Variants in RASAL2 observed in about 807,000 individuals in gnomAD.
RASAL2 encodes the protein RAS protein activator like 2, also known as ras GTPase-activating protein nGAP.
Under a neutral mutation model 128.9 loss-of-function variants are expected in RASAL2, and 58 were observed. The observed-to-expected ratio is 0.45, with a 90% confidence interval of 0.36 to 0.56. RASAL2 has a LOEUF of 0.56. RASAL2 is among the 20% of genes least tolerant of loss of function. RASAL2 has a pLI of 0.00. For synonymous variants in RASAL2, 561 were observed against 580.8 expected (o/e 0.97, Z 0.49); for missense variants, 1,360 against 1,601.6 (o/e 0.85, Z 2.57).
chr1:178,433,945 C>T (rs1457076880), intron 5 of RASAL2, among the ~76,000 whole-genome samples: 1 of 151,718 alleles, frequency 6.6e-6, no homozygotes, highest in African/African-American at 2.4e-5. Context: ...TGTTATTGAA[C>T]TTCACCAGTT....
At chr1:178,222,711 AT>A (rs1193485510) in intron 1 of RASAL2, among the ~76,000 whole-genome samples, 1 of 152,114 alleles carries the variant, frequency 6.6e-6, no homozygotes, top group Non-Finnish European at 1.5e-5. Context: ...GCTTGTGGAT[AT>A]CTCTTTATGC....
chr1:178,473,810 A>G lies in RASAL2; in HGVS notation c.*571A>G, dbSNP rs1486945610. On this transcript the variant is annotated 3_prime_UTR_variant, in exon 18 of 18. Coordinates refer to ENST00000367649, the MANE Select transcript of RASAL2 (RefSeq NM_170692.4). Reference sequence around the variant, plus strand: ...TCCATACAAAACAATAATTTATTCCACTGATCAACCAAGACTGGTTCTGGT... The same window carrying G: ...TCCATACAAAACAATAATTTATTCCGCTGATCAACCAAGACTGGTTCTGGT... The G allele has an allele frequency of 6.5e-6, 1 of 153,216 alleles. No individual in the cohort carries two copies. Among genetic ancestry groups the G allele is most frequent in the Non-Finnish European group, 1.5e-5 (1 of 68,494 alleles). The allele number at this position is 153,216 out of a possible 1,614,324, so 9.5% of individuals were successfully genotyped here.
At chr1:178,192,222 C>T (rs1462907807) in intron 1 of RASAL2, among the ~76,000 whole-genome samples, 4 of 152,024 alleles carry the variant, frequency 2.6e-5, no homozygotes, top group African/African-American at 9.7e-5. Flanking sequence ...TTTCCCTGTC[C>T]CTCCAACTGT....
chr1:178,451,736 G>A (rs2102884692), intron 10 of RASAL2, 21 bp downstream of exon 10: 1 of 1,603,206 alleles, frequency 6.2e-7, no homozygotes, highest in South Asian at 1.1e-5. Context: ...CTTATCCTCT[G>A]CCTTACATTT....
chr1:178,464,831 G>GTTTTTTTTTTTTTTTTTT lies in RASAL2; in HGVS notation c.3387+427_3387+444dup, dbSNP rs986789340. On this transcript the variant is annotated intron_variant, in intron 15 of 17. Coordinates refer to ENST00000367649, the MANE Select transcript of RASAL2 (RefSeq NM_170692.4). ...TAACAATTAGGTTTTGGTTTTAGTT[G>GTTTTTTTTTTTTTTTTTT]TTTTTTTTTTTTTTTTTTTTTTTTT... Among the ~76,000 whole-genome samples the GTTTTTTTTTTTTTTTTTT allele has an allele frequency of 6.0e-4, 23 of 38,200 alleles. 2 individuals carry two copies. Among genetic ancestry groups the GTTTTTTTTTTTTTTTTTT allele is most frequent in the African/African-American group, 1.2e-3 (10 of 8,236 alleles). 25.1% of individuals were successfully genotyped at this position (38,200 alleles called of 152,430 possible).
intron 1 of RASAL2, among the ~76,000 whole-genome samples, chr1:178,243,656 G>C (rs1054495551): frequency 6.6e-6 from 1 of 151,014 alleles, no homozygotes; most frequent in Non-Finnish European, 1.5e-5. Flanking sequence ...GGTATTTTCT[G>C]TTCCTAGGTT....
rs763248268 is a variant in RASAL2 at position 178,276,896 on chromosome 1, C to G, written c.203-6668C>G. Among the ~76,000 whole-genome samples, 90 of 151,718 alleles carry G rather than the reference C, an allele frequency of 5.9e-4. 1 individual carries two copies. Among genetic ancestry groups the G allele is most frequent in the Admixed American group, 5.9e-3 (90 of 15,232 alleles). ...GGGCACAGTGGCTCATGCCTGTAAT[C>G]CCAGCACTTTGGGAGGCCGAGGCTG... On this transcript the variant is annotated intron_variant, in intron 1 of 17. Coordinates refer to ENST00000367649, the MANE Select transcript of RASAL2 (RefSeq NM_170692.4).
intron 3 of RASAL2, among the ~76,000 whole-genome samples, chr1:178,376,400 A>G (rs1671989747): frequency 6.6e-6 from 1 of 152,174 alleles, no homozygotes; most frequent in African/African-American, 2.4e-5. Flanking sequence ...TAAAAACTAG[A>G]TTGAGAAGAC....
chr1:178,375,926 T>C (rs1161135621), intron 3 of RASAL2, among the ~76,000 whole-genome samples: 1 of 152,082 alleles, frequency 6.6e-6, no homozygotes, highest in Non-Finnish European at 1.5e-5. Flanking sequence ...GTGGGAGCTG[T>C]TCATCTAGAG....
intron 2 of RASAL2, among the ~76,000 whole-genome samples, chr1:178,285,078 G>A (rs1213101553): frequency 3.4e-5 from 3 of 88,544 alleles, no homozygotes; most frequent in East Asian, 3.5e-4. Context: ...GTTTCTTCTT[G>A]TATTTTAATA....
chr1:178,169,303 C>T (rs1661626903), intron 1 of RASAL2, among the ~76,000 whole-genome samples: 1 of 152,052 alleles, frequency 6.6e-6, no homozygotes, highest in Non-Finnish European at 1.5e-5. Context: ...TTAGAGAAAC[C>T]CCAGGGGATC....
intron 4 of RASAL2, among the ~76,000 whole-genome samples, chr1:178,396,760 A>T (rs1673256904): frequency 6.6e-6 from 1 of 151,630 alleles, no homozygotes; most frequent in African/African-American, 2.4e-5. Context: ...AAGAAACTTC[A>T]TTCCAACAGT....
chr1:178,199,350 C>T (rs924455866), intron 1 of RASAL2, among the ~76,000 whole-genome samples: 1 of 152,168 alleles, frequency 6.6e-6, no homozygotes, highest in Non-Finnish European at 1.5e-5. Flanking sequence ...CCAGGTACCT[C>T]AGTTGGAAAT....
chr1:178,382,949 A>C (rs1672361897), intron 3 of RASAL2, among the ~76,000 whole-genome samples: 1 of 152,160 alleles, frequency 6.6e-6, no homozygotes, highest in Admixed American at 6.5e-5. Context: ...TGTTGTTTGC[A>C]CTAAAAGTAT....
intron 4 of RASAL2, among the ~76,000 whole-genome samples, chr1:178,401,933 T>C (rs1473124833): frequency 2.6e-5 from 4 of 152,136 alleles, no homozygotes; most frequent in Non-Finnish European, 5.9e-5. Context: ...ATTATTAACT[T>C]TGAAGGATTT....
chr1:178,384,201 A>G (rs1286888253), intron 3 of RASAL2, among the ~76,000 whole-genome samples: 1 of 152,234 alleles, frequency 6.6e-6, no homozygotes, highest in Admixed American at 6.5e-5. Flanking sequence ...TGAAGTGCTT[A>G]GAATCCTGTA....
chr1:178,162,950 T>C (rs1316622757), intron 1 of RASAL2, among the ~76,000 whole-genome samples: 2 of 151,812 alleles, frequency 1.3e-5, no homozygotes, highest in Non-Finnish European at 2.9e-5. Flanking sequence ...ATTTCCTCCC[T>C]TTTGCAGATT....
chr1:178,372,259 G>A (rs1671763027), intron 3 of RASAL2: 1 of 985,274 alleles, frequency 1.0e-6, no homozygotes, highest in African/African-American at 1.7e-5. Flanking sequence ...CCTTTCCCCC[G>A]GTGATGTGGC....
intron 1 of RASAL2, among the ~76,000 whole-genome samples, chr1:178,209,118 C>T (rs752076209): frequency 1.3e-5 from 2 of 151,748 alleles, no homozygotes; most frequent in African/African-American, 2.4e-5. Flanking sequence ...GCCATGATAT[C>T]AAGTGCTCTT....
Sources: allele counts gnomAD v4.1 joint callset (sites outside exome capture counted in the v4.1 genomes callset), GRCh38; gene constraint gnomAD v4.1.1; transcripts MANE v1.5; gene names NCBI Gene and HGNC (gene_info 2026-07-23, HGNC 2026-07-21).